Variants in SCARB2 observed in about 807,000 individuals in gnomAD.
The protein encoded by SCARB2 is lysosome membrane protein 2.
In SCARB2, 29 loss-of-function variants were observed where a neutral mutation model predicts 58.6. The observed-to-expected ratio is 0.49, with a 90% CI of 0.37 to 0.67. The LOEUF is 0.67. Ranked by LOEUF, SCARB2 falls within the 30% of genes least tolerant of loss-of-function variation. The pLI is 0.00. For missense variants in SCARB2, 488 were observed against 578.5 expected, an observed-to-expected ratio of 0.84 and a Z score of 1.60; for synonymous variants, 195 against 210.1, an observed-to-expected ratio of 0.93 and a Z score of 0.62.
At chr4:76,212,808 T>C (rs931143279) in intron 1 of SCARB2, among the ~76,000 whole-genome samples, 2 of 152,056 alleles carry the variant, frequency 1.3e-5, no homozygotes, top group African/African-American at 4.8e-5. Flanking sequence ...TTATGGCCGT[T>C]TGAGAAAAAC....
chr4:76,168,601 G>A (rs1732064113), intron 8 of SCARB2, 125 bp from the exon 9 acceptor site: 1 of 775,040 alleles, frequency 1.3e-6, no homozygotes, highest in South Asian at 1.5e-5. Flanking sequence ...GTGACAGGCA[G>A]AGTGGAAACA....
chr4:76,230,057 G>C (rs973229895), intron 1 of SCARB2, among the ~76,000 whole-genome samples: 1 of 152,122 alleles, frequency 6.6e-6, no homozygotes, highest in African/African-American at 2.4e-5. Flanking sequence ...ATATGTATTT[G>C]GGTTTCTCAG....
At chr4:76,200,164 T>TC (rs1732800903) in intron 1 of SCARB2, among the ~76,000 whole-genome samples, 1 of 152,186 alleles carries the variant, frequency 6.6e-6, no homozygotes, top group Non-Finnish European at 1.5e-5. Flanking sequence ...GAACAACTGA[T>TC]CTTCCTCACC....
chr4:76,172,505 A>G (rs1483600308), intron 7 of SCARB2, among the ~76,000 whole-genome samples: 2 of 152,056 alleles, frequency 1.3e-5, no homozygotes, highest in East Asian at 3.9e-4. Flanking sequence ...CTCCTGCTTC[A>G]GCCTCCTAAA....
chr4:76,176,294 GAAT>G, intron 5 of SCARB2, 140 bp downstream of exon 5: 3 of 634,666 alleles, frequency 4.7e-6, no homozygotes, highest in South Asian at 1.9e-5. Flanking sequence ...TTGATTTGTA[GAAT>G]AATAATTACA....
chr4:76,227,168 TG>T (rs1733412780), intron 1 of SCARB2, among the ~76,000 whole-genome samples: 1 of 152,230 alleles, frequency 6.6e-6, no homozygotes, highest in Non-Finnish European at 1.5e-5. Context: ...AAAAGTTTGA[TG>T]AACTTTCCTC....
At chr4:76,230,181 A>G (rs1010317745) in intron 1 of SCARB2, among the ~76,000 whole-genome samples, 3 of 150,644 alleles carry the variant, frequency 2.0e-5, no homozygotes, top group South Asian at 2.1e-4. Context: ...CTGAGCTCAG[A>G]CTCTCCTTGG....
chr4:76,185,336 A>C (rs1341954966), intron 2 of SCARB2, among the ~76,000 whole-genome samples: 1 of 152,240 alleles, frequency 6.6e-6, no homozygotes, highest in African/African-American at 2.4e-5. Context: ...TACAAAGAAG[A>C]GTTTGAAAAA....
intron 9 of SCARB2, among the ~76,000 whole-genome samples, 193 bp downstream of exon 9, chr4:76,168,210 A>G (rs1340922932): frequency 6.6e-6 from 1 of 152,206 alleles, no homozygotes; most frequent in Non-Finnish European, 1.5e-5. Context: ...AGTACTCTGT[A>G]AGTGTATGAT....
At chr4:76,190,153 C>T (rs1206692812) in intron 2 of SCARB2, among the ~76,000 whole-genome samples, 1 of 151,986 alleles carries the variant, frequency 6.6e-6, no homozygotes. Context: ...GGGCCACAGG[C>T]ACATGCCACC....
intron 2 of SCARB2, among the ~76,000 whole-genome samples, chr4:76,189,660 C>CA (rs1337694182): frequency 2.0e-5 from 3 of 151,970 alleles, no homozygotes; most frequent in Non-Finnish European, 4.4e-5. Flanking sequence ...TTAGTAGAGA[C>CA]AGGGTTTCAT....
At chr4:76,167,381 GTTTAGCA>G (rs563497149) in intron 9 of SCARB2, among the ~76,000 whole-genome samples, 58 of 152,264 alleles carry the variant, frequency 3.8e-4, no homozygotes, top group African/African-American at 1.4e-3. Flanking sequence ...CTCATGAATG[GTTTAGCA>G]CCATTCGCTT....
chr4:76,179,113 G>T lies in SCARB2; in HGVS notation c.612+404C>A, dbSNP rs1013070801. On this transcript the variant is annotated intron_variant, in intron 4 of 11. Transcript: ENST00000264896. Reference sequence around the variant, plus strand: ...CTGTCACCCTGGCTGGAGTACAGTGGTGTAATTTCAGCTCACTGCAACCTC... The same window carrying T: ...CTGTCACCCTGGCTGGAGTACAGTGTTGTAATTTCAGCTCACTGCAACCTC... The T allele has an allele frequency of 1.3e-5, 3 of 230,100 alleles. No individual in the cohort carries two copies. In the South Asian group the frequency reaches 1.8e-4, roughly 14 times the overall value. The allele number at this position is 230,100 out of a possible 1,614,324, so 14.3% of individuals were successfully genotyped here. A position where few individuals can be genotyped will look rare whatever the true frequency, so the allele number is the denominator to read the frequency against.
At chr4:76,219,754 A>G (rs960250255) in intron 1 of SCARB2, among the ~76,000 whole-genome samples, 1 of 152,012 alleles carries the variant, frequency 6.6e-6, no homozygotes, top group African/African-American at 2.4e-5. Context: ...GGGCTTAGAT[A>G]TTAGACTATG....
chr4:76,223,619 G>T (rs1461329381), intron 1 of SCARB2, among the ~76,000 whole-genome samples: 1 of 152,178 alleles, frequency 6.6e-6, no homozygotes, highest in South Asian at 2.1e-4. Flanking sequence ...GAGACTCTCA[G>T]GCCCTGGTCT....
At chr4:76,186,912 C>T (rs766642843) in intron 2 of SCARB2, among the ~76,000 whole-genome samples, 6 of 151,670 alleles carry the variant, frequency 4.0e-5, no homozygotes, top group African/African-American at 7.3e-5. Context: ...CAGAGAAAAG[C>T]GAGGCAAGTT....
At chr4:76,176,353 C>G in intron 5 of SCARB2, 84 bp downstream of exon 5, 1 of 917,090 alleles carries the variant, frequency 1.1e-6, no homozygotes. Flanking sequence ...AAAGGCTAAA[C>G]ACATTTTTAA....
intron 1 of SCARB2, among the ~76,000 whole-genome samples, chr4:76,197,036 G>A (rs930194552): frequency 2.8e-4 from 43 of 152,196 alleles, no homozygotes; most frequent in African/African-American, 9.9e-4. Flanking sequence ...GGAAGGCCAC[G>A]TGAAAACACG....
chr4:76,161,647 G>A lies in SCARB2; in HGVS notation c.*66C>T, dbSNP rs1256537655. On this transcript the variant is annotated 3_prime_UTR_variant, in exon 12 of 12. Transcript: ENST00000264896. ...CAACAAGCCTGCAAGGAGGTGGAGG[G>A]TTTCCCCACGTCATCGTCCAGGTCA... 1.3e-6 allele frequency: 2 copies of A among 1,544,064 alleles called. No homozygotes were observed. Among genetic ancestry groups the A allele is most frequent in the African/African-American group, 1.4e-5 (1 of 73,430 alleles).
Sources: allele counts gnomAD v4.1 joint callset (sites outside exome capture counted in the v4.1 genomes callset), GRCh38; gene constraint gnomAD v4.1.1; transcripts MANE v1.5; gene names NCBI Gene and HGNC (gene_info 2026-07-23, HGNC 2026-07-21).